Variants in LRRC8C observed in about 807,000 individuals in gnomAD.
The protein encoded by LRRC8C is leucine rich repeat containing 8 VRAC subunit C.
Under a neutral mutation model 55.3 loss-of-function variants are expected in LRRC8C, and 20 were observed. That is an observed-to-expected ratio of 0.36 (90% CI 0.25 to 0.53). The LOEUF is 0.53. Among genes scored for constraint, LRRC8C ranks in the 20% least tolerant of loss-of-function variants. LRRC8C has a pLI of 0.92. For synonymous variants in LRRC8C, 376 were observed against 360.7 expected (o/e 1.04, Z -0.48); for missense variants, 659 against 951.4 (o/e 0.69, Z 4.04).
At chr1:89,638,967 ATTATTTTATT>A (rs11270989) in intron 1 of LRRC8C, among the ~76,000 whole-genome samples, 4 of 137,914 alleles carry the variant, frequency 2.9e-5, no homozygotes, top group African/African-American at 5.3e-5. Context: ...TATTTTACTT[ATTATTTTATT>A]TTATTTTATT....
chr1:89,673,136 T>C (rs1346011681), intron 1 of LRRC8C, among the ~76,000 whole-genome samples: 1 of 152,206 alleles, frequency 6.6e-6, no homozygotes, highest in Non-Finnish European at 1.5e-5. Flanking sequence ...TGTCTAAAGT[T>C]TTAATTGAAT....
intron 2 of LRRC8C, among the ~76,000 whole-genome samples, chr1:89,708,224 G>A (rs1358245536): frequency 1.3e-5 from 2 of 152,042 alleles, no homozygotes; most frequent in Admixed American, 6.6e-5. Context: ...ATTGCTCCAT[G>A]TGATAATGTG....
chr1:89,648,576 T>C (rs1656677632), intron 1 of LRRC8C, among the ~76,000 whole-genome samples: 1 of 152,176 alleles, frequency 6.6e-6, no homozygotes, highest in Admixed American at 6.5e-5. Flanking sequence ...TAAAATACAT[T>C]TTTAACAGCT....
the LRRC8C span, among the ~76,000 whole-genome samples, chr1:89,621,189 G>T: frequency 6.6e-6 from 1 of 151,906 alleles, no homozygotes; most frequent in South Asian, 2.1e-4. Context: ...GGCCAGGCGC[G>T]GTGGCTCACG....
intron 2 of LRRC8C, among the ~76,000 whole-genome samples, chr1:89,701,480 CAA>C (rs398053212): frequency 5.7e-5 from 7 of 122,418 alleles, no homozygotes; most frequent in Admixed American, 8.0e-5. Flanking sequence ...GACTCCATCT[CAA>C]AAAAAAAAAA....
At chr1:89,618,026 T>C in the LRRC8C span, among the ~76,000 whole-genome samples, 5 of 152,188 alleles carry the variant, frequency 3.3e-5, no homozygotes, top group African/African-American at 7.2e-5. Flanking sequence ...ACAGTTTTTA[T>C]TGGGCTTTCA....
At chr1:89,655,461 A>G (rs1165147313) in intron 1 of LRRC8C, among the ~76,000 whole-genome samples, 1 of 152,158 alleles carries the variant, frequency 6.6e-6, no homozygotes, top group African/African-American at 2.4e-5. Context: ...ATGACTGATG[A>G]TCTATATCTG....
intron 2 of LRRC8C, among the ~76,000 whole-genome samples, chr1:89,692,318 A>G (rs1015586782): frequency 2.0e-5 from 3 of 152,230 alleles, no homozygotes; most frequent in African/African-American, 4.8e-5. Context: ...TCTAAGGTGA[A>G]GTTAGAAGAA....
intron 2 of LRRC8C, among the ~76,000 whole-genome samples, chr1:89,695,702 A>G (rs889062717): frequency 6.6e-5 from 10 of 152,368 alleles, no homozygotes; most frequent in East Asian, 3.9e-4. Flanking sequence ...CACTGGAAAT[A>G]GAAAACCTGG....
At chr1:89,667,396 C>G (rs1657299327) in intron 1 of LRRC8C, among the ~76,000 whole-genome samples, 1 of 152,116 alleles carries the variant, frequency 6.6e-6, no homozygotes, top group African/African-American at 2.4e-5. Context: ...CTCTCACTCC[C>G]TTTATAAAAT....
intron 2 of LRRC8C, among the ~76,000 whole-genome samples, chr1:89,701,030 C>T (rs1168134501): frequency 6.6e-6 from 1 of 152,138 alleles, no homozygotes; most frequent in Non-Finnish European, 1.5e-5. Context: ...GCCTGTAATC[C>T]CAGCATTTTG....
intron 1 of LRRC8C, among the ~76,000 whole-genome samples, chr1:89,655,612 C>T (rs1023258626): frequency 4.6e-5 from 7 of 152,126 alleles, no homozygotes; most frequent in Non-Finnish European, 7.3e-5. Flanking sequence ...TGGTGAGGGC[C>T]TTCTTGTAAC....
chr1:89,628,396 A>T (rs867551397), upstream of LRRC8C, among the ~76,000 whole-genome samples: 20 of 152,150 alleles, frequency 1.3e-4, no homozygotes, highest in African/African-American at 3.1e-4. Context: ...CTTTATTATT[A>T]TTTTTATTTT....
chr1:89,662,553 TGA>T (rs1332739240), intron 1 of LRRC8C, among the ~76,000 whole-genome samples: 2 of 152,106 alleles, frequency 1.3e-5, no homozygotes, highest in African/African-American at 4.8e-5. Context: ...ATAATCTAAT[TGA>T]GAGATGATGG....
chr1:89,653,850 C>T (rs1486205550), intron 1 of LRRC8C, among the ~76,000 whole-genome samples: 4 of 152,090 alleles, frequency 2.6e-5, no homozygotes, highest in Admixed American at 1.3e-4. Context: ...ATTTTGGACT[C>T]GTTAATTTCA....
Position 89,675,769 on chromosome 1 carries a change from C to A in LRRC8C, c.-4-10701C>A, listed in dbSNP as rs1199527650. Among the ~76,000 whole-genome samples the A allele has an allele frequency of 3.3e-5, 5 of 152,088 alleles. No individual in the cohort carries two copies. The East Asian group carries it at 7.7e-4, about 23-fold the overall frequency. The stretch of plus-strand genomic sequence containing the variant: ...TTGGGATTGGGAGGAGGTGTGTATC[C>A]ACGCTACCTCATGGAAGAGTGTTTC... On this transcript the variant is annotated intron_variant, in intron 1 of 2. Coordinates refer to ENST00000370454, the MANE Select transcript of LRRC8C (RefSeq NM_032270.5).
In LRRC8C at chr1:89,718,896, A is replaced by G. The variant is rs1016406225; in HGVS notation, c.*3914A>G. Reference sequence around the variant, plus strand: ...AGCAGACTGCTTAAAAGATCAAGAAAATTTTCTCATCTTTTCTTTCTACTT... The same window carrying G: ...AGCAGACTGCTTAAAAGATCAAGAAGATTTTCTCATCTTTTCTTTCTACTT... On this transcript the variant is annotated 3_prime_UTR_variant, in exon 3 of 3. Coordinates refer to ENST00000370454, the MANE Select transcript of LRRC8C (RefSeq NM_032270.5). 2.0e-5 allele frequency: 3 copies of G among 152,198 alleles called. No homozygotes were observed. The highest frequency in any genetic ancestry group is 4.4e-5 in the Non-Finnish European group (3 of 68,026). 9.4% of individuals were successfully genotyped at this position (152,198 alleles called of 1,614,324 possible). A position where few individuals can be genotyped will look rare whatever the true frequency, so the allele number is the denominator to read the frequency against.
intron 1 of LRRC8C, among the ~76,000 whole-genome samples, chr1:89,652,994 A>C (rs1656832877): frequency 6.6e-6 from 1 of 152,166 alleles, no homozygotes; most frequent in East Asian, 1.9e-4. Flanking sequence ...GTGTGGGTGC[A>C]CAGCTCTGAA....
chr1:89,702,586 A>C (rs917095885), intron 2 of LRRC8C, among the ~76,000 whole-genome samples: 1 of 151,164 alleles, frequency 6.6e-6, no homozygotes, highest in African/African-American at 2.5e-5. Flanking sequence ...ATAAAAATTA[A>C]AAAATAAAAA....
Sources: allele counts gnomAD v4.1 joint callset (sites outside exome capture counted in the v4.1 genomes callset), GRCh38; gene constraint gnomAD v4.1.1; transcripts MANE v1.5; gene names NCBI Gene and HGNC (gene_info 2026-07-23, HGNC 2026-07-21).